Variants in PTPRT observed in about 807,000 individuals in gnomAD.
PTPRT encodes the protein receptor-type tyrosine-protein phosphatase T.
In PTPRT, 56 loss-of-function variants were observed where a neutral mutation model predicts 176.8. The observed-to-expected ratio is 0.32, with a 90% CI of 0.26 to 0.40. The LOEUF is 0.40. PTPRT is among the 10% of genes least tolerant of loss of function. The pLI, the probability that PTPRT is intolerant of heterozygous loss-of-function variation, is 1.00. For missense variants in PTPRT, 1,540 were observed against 1,908.2 expected (o/e 0.81, Z 3.60); for synonymous variants, 783 against 739.0 (o/e 1.06, Z -0.96).
At chr20:42,116,148 G>T (rs1433627119) in intron 21 of PTPRT, 4 of 714,314 alleles carry the variant, frequency 5.6e-6, no homozygotes, top group Non-Finnish European at 1.0e-5. Flanking sequence ...ACAAAAAAAG[G>T]TTTTGTGGTC....
intron 11 of PTPRT, among the ~76,000 whole-genome samples, chr20:42,345,441 TAGTTACTATAGATATACATATATATATAA>T (rs1157778924): frequency 1.1e-4 from 16 of 148,272 alleles, no homozygotes; most frequent in Admixed American, 7.4e-4. Flanking sequence ...TATATAAAAC[TAGTTACTATAGATATACATATATATATAA>T]AACTAGTTAC....
intron 7 of PTPRT, among the ~76,000 whole-genome samples, chr20:42,627,014 G>C (rs17810257): frequency 6.6e-6 from 1 of 151,498 alleles, no homozygotes; most frequent in African/African-American, 2.4e-5. Flanking sequence ...CTCCTGTAAA[G>C]GGTCATCAAT....
chr20:42,093,627 C>T lies in PTPRT; in HGVS notation c.3846+4794G>A, dbSNP rs552312281. On this transcript the variant is annotated intron_variant, in intron 27 of 30. Transcript: ENST00000373187. ...AGCCCTGCCCAATCCCCAACGTACGCTCTTATGGTTCCCAGGCAAACCACA... is the reference window on the plus strand; with the variant it reads ...AGCCCTGCCCAATCCCCAACGTACGTTCTTATGGTTCCCAGGCAAACCACA... 5.3e-5 allele frequency among the ~76,000 whole-genome samples: 8 copies of T among 152,334 alleles called. No homozygotes were observed. In the East Asian group the frequency reaches 9.6e-4, roughly 18 times the overall value.
intron 9 of PTPRT, among the ~76,000 whole-genome samples, chr20:42,439,557 G>A (rs913317275): frequency 3.3e-5 from 5 of 152,184 alleles, no homozygotes; most frequent in East Asian, 1.9e-4. Flanking sequence ...TGGCTGTAGC[G>A]TAACATCAGA....
At chr20:43,140,367 C>T (rs2013963568) in intron 1 of PTPRT, among the ~76,000 whole-genome samples, 1 of 152,040 alleles carries the variant, frequency 6.6e-6, no homozygotes, top group Non-Finnish European at 1.5e-5. Context: ...CATGAACACA[C>T]ACACACACAA....
intron 14 of PTPRT, among the ~76,000 whole-genome samples, chr20:42,247,363 C>G (rs1218672243): frequency 2.6e-5 from 4 of 152,116 alleles, no homozygotes; most frequent in African/African-American, 7.2e-5. Flanking sequence ...TAGTGGGGAC[C>G]CTAGTATTTC....
intron 1 of PTPRT, among the ~76,000 whole-genome samples, chr20:43,004,707 C>T (rs1984764644): frequency 1.3e-5 from 2 of 152,174 alleles, no homozygotes; most frequent in Non-Finnish European, 2.9e-5. Flanking sequence ...TCGTGTCCAT[C>T]AACAGAAGAA....
intron 6 of PTPRT, among the ~76,000 whole-genome samples, chr20:42,699,323 C>A (rs540144158): frequency 8.5e-5 from 13 of 152,098 alleles, no homozygotes; most frequent in Non-Finnish European, 1.5e-4. Context: ...TCCTTCAAGG[C>A]CCTGTTAATA....
chr20:42,964,166 T>C (rs1982161603), intron 1 of PTPRT, among the ~76,000 whole-genome samples: 1 of 152,176 alleles, frequency 6.6e-6, no homozygotes, highest in Admixed American at 6.5e-5. Context: ...AATATAGTTA[T>C]CATATTAGTA....
intron 5 of PTPRT, 102 bp from the exon 6 acceptor site, chr20:42,756,738 C>G (rs962669197): frequency 1.6e-5 from 16 of 1,024,936 alleles, no homozygotes; most frequent in Non-Finnish European, 2.0e-5. Flanking sequence ...CCCTGGGGCT[C>G]AAGACTTTCC....
In PTPRT at chr20:42,462,003, TAA is replaced by T. The variant is rs78975132; in HGVS notation, c.1450+10261_1450+10262del. On this transcript the variant is annotated intron_variant, in intron 8 of 30. Transcript: ENST00000373187. The stretch of plus-strand genomic sequence containing the variant: ...AATTGCTGGAGCAATGACATTGAGT[TAA>T]AAAAAAAAAAGTAAGTGGGATTTGC... 5.1e-3 allele frequency among the ~76,000 whole-genome samples: 730 copies of T among 144,364 alleles called. 3 individuals carry two copies. Among genetic ancestry groups the T allele is most frequent in the African/African-American group, 0.017 (677 of 39,568 alleles). The allele number at this position is 144,364 out of a possible 152,430, so 94.7% of individuals were successfully genotyped here.
chr20:42,290,847 T>G (rs1482176086), intron 12 of PTPRT, among the ~76,000 whole-genome samples: 1 of 152,052 alleles, frequency 6.6e-6, no homozygotes, highest in Non-Finnish European at 1.5e-5. Context: ...TGGAACTGTT[T>G]AGGTCATCAA....
At chr20:42,315,699 T>A in intron 12 of PTPRT, 24 bp downstream of exon 12, 1 of 1,604,466 alleles carries the variant, frequency 6.2e-7, no homozygotes. Context: ...AGGCAAGGAA[T>A]GGCCTCCATG....
intron 1 of PTPRT, among the ~76,000 whole-genome samples, chr20:43,029,622 C>A (rs773945318): frequency 5.3e-5 from 8 of 152,158 alleles, no homozygotes; most frequent in Non-Finnish European, 1.0e-4. Context: ...TTCTATCTGC[C>A]CCTGCCATTG....
At chr20:42,960,342 C>T (rs1319303244) in intron 1 of PTPRT, among the ~76,000 whole-genome samples, 1 of 152,080 alleles carries the variant, frequency 6.6e-6, no homozygotes, top group East Asian at 1.9e-4. Context: ...AAGATGGCAC[C>T]TTCTTGCTGT....
At chr20:42,786,178 T>C (rs2145522201) in intron 3 of PTPRT, among the ~76,000 whole-genome samples, 1 of 152,334 alleles carries the variant, frequency 6.6e-6, no homozygotes, top group Middle Eastern at 3.4e-3. Context: ...TGTGGAAGTG[T>C]GAGTCAATTA....
chr20:42,859,585 A>AT (rs1568640777), intron 2 of PTPRT, among the ~76,000 whole-genome samples: 1 of 114,384 alleles, frequency 8.7e-6, no homozygotes. Flanking sequence ...TTTTTTTTTT[A>AT]ATTTTTTTTT....
At chr20:42,551,814 C>T (rs1169697538) in intron 7 of PTPRT, among the ~76,000 whole-genome samples, 1 of 152,164 alleles carries the variant, frequency 6.6e-6, no homozygotes, top group Non-Finnish European at 1.5e-5. Flanking sequence ...CTACTATACC[C>T]ACATCCTTGA....
intron 1 of PTPRT, among the ~76,000 whole-genome samples, chr20:43,119,720 T>C (rs2013188171): frequency 6.6e-6 from 1 of 152,226 alleles, no homozygotes; most frequent in Admixed American, 6.5e-5. Context: ...CAAACATTAA[T>C]ATAATGCATA....
Sources: gnomAD v4.1 joint callset for allele counts (sites outside exome capture counted in the v4.1 genomes callset) on GRCh38, gnomAD v4.1.1 for gene constraint, MANE v1.5 for transcripts, NCBI Gene and HGNC (gene_info 2026-07-23, HGNC 2026-07-21) for gene names.